The following GRIK4 variants were observed in gnomAD, a reference collection of about 807,000 sequenced individuals.
GRIK4 encodes the protein glutamate receptor ionotropic, kainate 4.
GRIK4 carries 40 observed loss-of-function variants against 104.9 expected under a neutral mutation model. That is an observed-to-expected ratio of 0.38 (90% CI 0.30 to 0.50). GRIK4 has a LOEUF of 0.50. Ranked by LOEUF, GRIK4 falls within the 20% of genes least tolerant of loss-of-function variation. GRIK4 has a pLI of 0.93. For missense variants in GRIK4, 1,047 were observed against 1,308.1 expected (o/e 0.80, Z 3.08); for synonymous variants, 485 against 524.9 (o/e 0.92, Z 1.04).
rs181141112 is a variant in GRIK4 at position 120,911,004 on chromosome 11, T to C, written c.1476+5511T>C. On this transcript the variant is annotated intron_variant, in intron 13 of 20. Transcript: ENST00000527524. ...CATGAAGGTGCAGGGGTAGATTCCA[T>C]TTCAGCAACCACACATAGGTGGGTC... Among the ~76,000 whole-genome samples, 25 of 152,212 alleles carry C rather than the reference T, an allele frequency of 1.6e-4. No individual in the cohort carries two copies. In the East Asian group the frequency reaches 4.8e-3, roughly 29 times the overall value.
chr11:120,540,868 T>C (rs1948026752), intron 1 of GRIK4, among the ~76,000 whole-genome samples: 1 of 152,084 alleles, frequency 6.6e-6, no homozygotes, highest in Non-Finnish European at 1.5e-5. Flanking sequence ...TCCCAGCACT[T>C]TGGGAAGCTG....
intron 2 of GRIK4, among the ~76,000 whole-genome samples, chr11:120,657,362 C>T (rs750428718): frequency 5.3e-4 from 81 of 152,168 alleles, no homozygotes; most frequent in Non-Finnish European, 9.0e-4. Context: ...GCACCAACAC[C>T]CATGAATTAA....
intron 3 of GRIK4, among the ~76,000 whole-genome samples, chr11:120,748,543 C>T (rs947478240): frequency 6.6e-6 from 1 of 152,056 alleles, no homozygotes; most frequent in African/African-American, 2.4e-5. Flanking sequence ...TAGGAAGCAC[C>T]TGGCACAGAG....
At chr11:120,611,187 A>G (rs1949033768) in intron 1 of GRIK4, among the ~76,000 whole-genome samples, 1 of 152,150 alleles carries the variant, frequency 6.6e-6, no homozygotes. Context: ...CCAGGAGGCC[A>G]CATAGGAACT....
chr11:120,665,427 A>AG (rs1949897019), intron 3 of GRIK4, among the ~76,000 whole-genome samples: 2 of 152,182 alleles, frequency 1.3e-5, no homozygotes, highest in Middle Eastern at 3.4e-3. Flanking sequence ...TCTGTCACCT[A>AG]GGGGGGGAAT....
intron 1 of GRIK4, among the ~76,000 whole-genome samples, chr11:120,541,561 A>G (rs1948036337): frequency 6.6e-6 from 1 of 151,912 alleles, no homozygotes; most frequent in Non-Finnish European, 1.5e-5. Flanking sequence ...TGGTGTGACC[A>G]TGGCTCACTG....
intron 3 of GRIK4, among the ~76,000 whole-genome samples, chr11:120,733,473 A>G (rs1280475049): frequency 6.7e-6 from 1 of 148,476 alleles, no homozygotes; most frequent in African/African-American, 2.5e-5. Flanking sequence ...CTTGCTTTTT[A>G]TTTTTTGTGT....
At chr11:120,706,703 TCAAAG>T (rs1282887345) in intron 3 of GRIK4, among the ~76,000 whole-genome samples, 1 of 152,166 alleles carries the variant, frequency 6.6e-6, no homozygotes, top group African/African-American at 2.4e-5. Flanking sequence ...GCATGCAGTA[TCAAAG>T]CAATATGTGA....
At chr11:120,915,241 G>A (rs1473545832) in intron 13 of GRIK4, among the ~76,000 whole-genome samples, 2 of 152,026 alleles carry the variant, frequency 1.3e-5, no homozygotes, top group Non-Finnish European at 2.9e-5. Flanking sequence ...GGGCCAGCGC[G>A]CTGGACTGCA....
chr11:120,716,801 C>G (rs763427228), intron 3 of GRIK4, among the ~76,000 whole-genome samples: 12 of 152,114 alleles, frequency 7.9e-5, no homozygotes, highest in Non-Finnish European at 1.5e-4. Context: ...GAGAGACAGC[C>G]TTTTCCAGCT....
chr11:120,728,071 G>T (rs894588179), intron 3 of GRIK4, among the ~76,000 whole-genome samples: 1 of 151,972 alleles, frequency 6.6e-6, no homozygotes. Flanking sequence ...TATTGAAAGA[G>T]CACACTGTGC....
At chr11:120,735,748 A>G (rs1951210636) in intron 3 of GRIK4, among the ~76,000 whole-genome samples, 1 of 151,668 alleles carries the variant, frequency 6.6e-6, no homozygotes, top group Non-Finnish European at 1.5e-5. Context: ...CTAAGCTGGC[A>G]CAAAGTCCTT....
intron 8 of GRIK4, among the ~76,000 whole-genome samples, chr11:120,844,091 G>A (rs1953792248): frequency 6.6e-6 from 1 of 152,168 alleles, no homozygotes; most frequent in South Asian, 2.1e-4. Flanking sequence ...TTATCAGAGA[G>A]ATTAGCCATA....
At chr11:120,915,791 T>C (rs1292689099) in intron 13 of GRIK4, among the ~76,000 whole-genome samples, 1 of 152,208 alleles carries the variant, frequency 6.6e-6, no homozygotes, top group Non-Finnish European at 1.5e-5. Context: ...GTAGAAGCTC[T>C]ACACTCATGA....
At chr11:120,886,500 G>A (rs1448687749) in intron 11 of GRIK4, among the ~76,000 whole-genome samples, 1 of 152,166 alleles carries the variant, frequency 6.6e-6, no homozygotes, top group Non-Finnish European at 1.5e-5. Flanking sequence ...TATATTAAGC[G>A]AGGTGCCTGC....
At chr11:120,862,224 C>T (rs1592000882) in intron 9 of GRIK4, 104 bp downstream of exon 9, 2 of 953,846 alleles carry the variant, frequency 2.1e-6, no homozygotes, top group East Asian at 2.4e-5. Flanking sequence ...CCAGCCGTCT[C>T]CTGCTCCAGT....
chr11:120,747,903 C>T (rs1951473545), intron 3 of GRIK4, among the ~76,000 whole-genome samples: 1 of 152,210 alleles, frequency 6.6e-6, no homozygotes, highest in Admixed American at 6.5e-5. Context: ...TCCAAGTGTG[C>T]TCTTCAAACA....
intron 12 of GRIK4, among the ~76,000 whole-genome samples, chr11:120,900,425 A>G (rs528769327): frequency 2.0e-4 from 31 of 152,278 alleles, no homozygotes; most frequent in African/African-American, 6.7e-4. Flanking sequence ...GGGTGCTGCT[A>G]TATGCTGGGC....
chr11:120,594,142 A>G (rs1948770453), intron 1 of GRIK4, among the ~76,000 whole-genome samples: 1 of 152,200 alleles, frequency 6.6e-6, no homozygotes, highest in African/African-American at 2.4e-5. Context: ...GTTTCATGCT[A>G]CTCTTGTGCT....
Sources: allele counts gnomAD v4.1 joint callset (sites outside exome capture counted in the v4.1 genomes callset), GRCh38; gene constraint gnomAD v4.1.1; transcripts MANE v1.5; gene names NCBI Gene and HGNC (gene_info 2026-07-23, HGNC 2026-07-21).